The following CHAF1A variants were observed in gnomAD, a reference collection of about 807,000 sequenced individuals.
CHAF1A encodes chromatin assembly factor 1 subunit A.
In CHAF1A, 5 loss-of-function variants were observed where a neutral mutation model predicts 93.2. The ratio of observed to expected loss-of-function variants is 0.05; its 90% CI spans 0.03 to 0.11. CHAF1A has a LOEUF of 0.11. Ranked by LOEUF, CHAF1A falls within the 10% of genes least tolerant of loss-of-function variation. The pLI, the probability that CHAF1A is intolerant of heterozygous loss-of-function variation, is 1.00. For missense variants in CHAF1A, 1,102 were observed against 1,259.9 expected (o/e 0.87, Z 1.90); for synonymous variants, 504 against 510.3 (o/e 0.99, Z 0.17).
chr19:4,445,435 G>C, downstream of CHAF1A: 1 of 1,602,288 alleles, frequency 6.2e-7, no homozygotes, highest in African/African-American at 1.3e-5. Context: ...CTGGGGTGGC[G>C]GGGAGAGGAA....
downstream of CHAF1A, chr19:4,448,012 C>T: frequency 1.9e-6 from 1 of 522,376 alleles, no homozygotes; most frequent in Admixed American, 3.2e-5. Flanking sequence ...TCCAGGCCTG[C>T]CCCCGATCCT....
chr19:4,439,319 T>C (rs1480335157), intron 13 of CHAF1A, among the ~76,000 whole-genome samples: 2 of 151,740 alleles, frequency 1.3e-5, no homozygotes, highest in African/African-American at 4.8e-5. Flanking sequence ...CAAATGTTAG[T>C]GACACCATCT....
chr19:4,410,300 TGAGAGGCC>T (rs1171666993), intron 3 of CHAF1A, among the ~76,000 whole-genome samples: 1 of 151,890 alleles, frequency 6.6e-6, no homozygotes, highest in Admixed American at 6.6e-5. Context: ...CCCAGCACTT[TGAGAGGCC>T]GAGGTGGGAG....
At chr19:4,430,844 C>T in intron 11 of CHAF1A, 1 of 568,862 alleles carries the variant, frequency 1.8e-6, no homozygotes, top group Non-Finnish European at 3.1e-6. Context: ...GTAGGAGGAG[C>T]TTGCAAGCGA....
rs1568185520 is a variant in CHAF1A at position 4,443,029 on chromosome 19, CA to C, written c.*5del. On this transcript the variant is annotated 3_prime_UTR_variant, in exon 15 of 15. Coordinates refer to ENST00000301280, the MANE Select transcript of CHAF1A (RefSeq NM_005483.3). ...GAGCCCACTGGGTGCATCCTGAGAG[CA>C]GGGGTGACGTATGTAGAATGCTTAG... 6.4e-7 allele frequency: 1 copy of C among 1,559,818 alleles called. No individual in the cohort carries two copies.
chr19:4,429,741 G>A lies in CHAF1A; in HGVS notation c.1807G>A (p.Glu603Lys). ...GGACTATGAGGTGGACAGTGATGAG[G>A]AGTGGGAAGAAGAGGAGCCTGGGGA... ...LLDYEVDSDE[E>K]WEEEEPGESL... The change falls in exon 10 of 15, where the codon GAG becomes AAG. Residue 603 changes from glutamate to lysine, a missense_variant. Around this residue, in one of 6 missense-constraint regions of CHAF1A, gnomAD observed 335 missense variants for 361.9 expected, o/e 0.93. Coordinates refer to ENST00000301280, the MANE Select transcript of CHAF1A (RefSeq NM_005483.3). 1 of 1,614,082 alleles carries A rather than the reference G, an allele frequency of 6.2e-7. No homozygotes were observed. The highest frequency in any genetic ancestry group is 8.5e-7 in the Non-Finnish European group (1 of 1,180,016).
At chr19:4,447,373 GTC>G (rs984239574), downstream of CHAF1A, 13 of 646,362 alleles carry the variant, frequency 2.0e-5, no homozygotes, top group Non-Finnish European at 3.3e-5. Flanking sequence ...GTGCATAAAA[GTC>G]TTGCTCTCCA....
At chr19:4,419,516 A>T (rs1333327417) in intron 4 of CHAF1A, among the ~76,000 whole-genome samples, 4 of 150,046 alleles carry the variant, frequency 2.7e-5, no homozygotes, top group African/African-American at 9.8e-5. Context: ...TGCAGCCTCT[A>T]CCTCCCGGGT....
chr19:4,429,308 G>T, intron 8 of CHAF1A, 130 bp from the exon 9 acceptor site: 1 of 1,030,946 alleles, frequency 9.7e-7, no homozygotes. Flanking sequence ...TTGGGGACAG[G>T]CAGTGCTGCT....
Position 4,402,661 on chromosome 19 carries a change from C to CT in CHAF1A, c.-102_-101insT. On this transcript the variant is annotated 5_prime_UTR_variant, in exon 1 of 15. Coordinates refer to ENST00000301280, the MANE Select transcript of CHAF1A (RefSeq NM_005483.3). ...CCGCCAAATACGAGCGCGGCGGCCG[C>CT]GGCGGCAGCAGCGGCGCGGGCGGGA... 3 of 767,564 alleles carry CT rather than the reference C, an allele frequency of 3.9e-6. No homozygotes were observed. Among genetic ancestry groups the CT allele is most frequent in the Non-Finnish European group, 5.1e-6 (3 of 582,764 alleles). The allele number at this position is 767,564 out of a possible 1,614,324, so 47.5% of individuals were successfully genotyped here. A position where few individuals can be genotyped will look rare whatever the true frequency, so the allele number is the denominator to read the frequency against.
intron 3 of CHAF1A, among the ~76,000 whole-genome samples, chr19:4,417,357 G>A (rs1313414687): frequency 1.3e-5 from 2 of 151,988 alleles, no homozygotes; most frequent in African/African-American, 4.8e-5. Context: ...CAGCAAATAG[G>A]GATCTATATT....
chr19:4,419,029 AT>A (rs11406470), intron 4 of CHAF1A, among the ~76,000 whole-genome samples: 4,563 of 96,346 alleles, frequency 0.047, 41 homozygotes, highest in Middle Eastern at 0.077. Flanking sequence ...TAGCCAGCTA[AT>A]TTTTTTTTTT....
downstream of CHAF1A, chr19:4,446,353 C>T (rs1442728979): frequency 6.4e-7 from 1 of 1,571,726 alleles, no homozygotes; most frequent in Non-Finnish European, 8.6e-7. Flanking sequence ...GCCCCCGCTG[C>T]TCCTCCTTCT....
chr19:4,445,585 A>G, downstream of CHAF1A: 2 of 1,613,716 alleles, frequency 1.2e-6, no homozygotes, highest in Non-Finnish European at 1.7e-6. Flanking sequence ...CCTCCAGCAC[A>G]GCCATGTCCC....
At chr19:4,412,252 G>A (rs1252629794) in intron 3 of CHAF1A, among the ~76,000 whole-genome samples, 2 of 152,150 alleles carry the variant, frequency 1.3e-5, no homozygotes, top group Admixed American at 1.3e-4. Flanking sequence ...TAGCAAGAAC[G>A]GGACACATGG....
intron 13 of CHAF1A, among the ~76,000 whole-genome samples, chr19:4,440,228 A>G (rs926112480): frequency 6.6e-6 from 1 of 152,094 alleles, no homozygotes; most frequent in African/African-American, 2.4e-5. Context: ...ATGCACAGAG[A>G]GGGTAAGCAC....
Position 4,433,641 on chromosome 19 carries a change from C to T in CHAF1A, c.2673+102C>T, listed in dbSNP as rs1042898089. 14 of 972,544 alleles carry T rather than the reference C, an allele frequency of 1.4e-5. No individual in the cohort carries two copies. 60.2% of individuals were successfully genotyped at this position (972,544 alleles called of 1,614,324 possible). ...TTCGAGATGGAGTCCTGCTCTGTCA[C>T]CCAGGCTGGAGTGCAGTGGCGCAAT... is the stretch of plus-strand genomic sequence containing the variant. On this transcript the variant is annotated intron_variant, in intron 13 of 14. Transcript: ENST00000301280. The surrounding 1 kb of genome is among the most constrained non-coding windows in gnomAD (Gnocchi z 5.6).
intron 13 of CHAF1A, among the ~76,000 whole-genome samples, chr19:4,438,591 C>T (rs1374867741): frequency 1.3e-5 from 2 of 152,192 alleles, no homozygotes; most frequent in Admixed American, 1.3e-4. Context: ...TAGGACACCT[C>T]AACTCTTCGG....
At position 4,442,921 on chromosome 19, in the gene CHAF1A, G is replaced by A. The variant is rs1329939811; in HGVS notation, c.2771-4G>A. The A allele has an allele frequency of 6.3e-7, 1 of 1,579,518 alleles. No individual in the cohort carries two copies. Among genetic ancestry groups the A allele is most frequent in the Non-Finnish European group, 8.6e-7 (1 of 1,164,286 alleles). ...CTCAAGACCCTCCCTCTCTTGCCCT[G>A]CAGAGGTCCAAGCCCCGTGTGGAGC... On this transcript the variant is annotated splice_region_variant and splice_polypyrimidine_tract_variant and intron_variant, in intron 14 of 14. Transcript: ENST00000301280.
Sources: gnomAD v4.1 joint callset for allele counts (sites outside exome capture counted in the v4.1 genomes callset) on GRCh38, gnomAD v4.1.1 for gene constraint, gnomAD v4.1.1 regional missense constraint, Gnocchi (gnomAD v3.1) non-coding constraint, MANE v1.5 for transcripts, NCBI Gene and HGNC (gene_info 2026-07-23, HGNC 2026-07-21) for gene names.